MTA3: variants seen among roughly 807,000 people sequenced by gnomAD.
MTA3 encodes metastasis-associated protein MTA3.
In MTA3, 34 loss-of-function variants were observed where a neutral mutation model predicts 83.5. The observed-to-expected ratio is 0.41, with a 90% CI of 0.31 to 0.54. The LOEUF is 0.54. Ranked by LOEUF, MTA3 falls within the 20% of genes least tolerant of loss-of-function variation. The pLI is 0.33. For missense variants in MTA3, 761 were observed against 726.4 expected, an observed-to-expected ratio of 1.05 and a Z score of -0.55; for synonymous variants, 303 against 252.7, an observed-to-expected ratio of 1.20 and a Z score of -1.89.
At chr2:42,748,367 T>C (rs536255894) in intron 16 of MTA3, among the ~76,000 whole-genome samples, 19 of 152,166 alleles carry the variant, frequency 1.2e-4, no homozygotes, top group Non-Finnish European at 2.5e-4. Flanking sequence ...CCCGGCCTAT[T>C]TTCTAGAATT....
intron 2 of MTA3, among the ~76,000 whole-genome samples, chr2:42,503,153 A>G (rs946095632): frequency 2.6e-5 from 4 of 152,186 alleles, no homozygotes; most frequent in Admixed American, 6.5e-5. Context: ...GGTGCTCCCA[A>G]GGGCTGCTGG....
chr2:42,743,355 T>C (rs557975325), intron 16 of MTA3, among the ~76,000 whole-genome samples: 1 of 152,330 alleles, frequency 6.6e-6, no homozygotes, highest in South Asian at 2.1e-4. Flanking sequence ...GACCATCGTT[T>C]GGAGGTGCTC....
At chr2:42,662,296 TGA>T (rs1473018024) in intron 8 of MTA3, among the ~76,000 whole-genome samples, 1 of 151,926 alleles carries the variant, frequency 6.6e-6, no homozygotes, top group East Asian at 1.9e-4. Context: ...AGCATGTGTG[TGA>T]GTTTTTAGGC....
chr2:42,556,713 G>A (rs959770811), intron 2 of MTA3, among the ~76,000 whole-genome samples: 1 of 152,122 alleles, frequency 6.6e-6, no homozygotes, highest in Non-Finnish European at 1.5e-5. Context: ...ACAAGCAAGT[G>A]GTCCCCATGC....
intron 3 of MTA3, among the ~76,000 whole-genome samples, chr2:42,589,298 T>C (rs867265208): frequency 6.6e-6 from 1 of 152,210 alleles, no homozygotes; most frequent in South Asian, 2.1e-4. Flanking sequence ...TACTTAAATA[T>C]GTATTTAAAT....
At chr2:42,536,509 G>T (rs1457667170) in intron 2 of MTA3, among the ~76,000 whole-genome samples, 1 of 151,574 alleles carries the variant, frequency 6.6e-6, no homozygotes, top group Non-Finnish European at 1.5e-5. Flanking sequence ...AGAAAATGGA[G>T]GTGTTAGAGA....
chr2:42,568,750 C>CG lies in MTA3; in HGVS notation c.7dup (p.Ala3GlyfsTer13). On this transcript the variant is annotated frameshift_variant, in exon 1 of 17. Transcript: ENST00000405094. LOFTEE classifies it high-confidence loss of function. ...TCCGCGGGCGGGCGGGCGGACATGGCGGCCAACATGTACCGGGTCGGAGGT... is the reference window on the plus strand; with the variant it reads ...TCCGCGGGCGGGCGGGCGGACATGGCGGGCCAACATGTACCGGGTCGGAGGT... 1 of 1,218,980 alleles carries CG rather than the reference C, an allele frequency of 8.2e-7. No homozygotes were observed. Among genetic ancestry groups the CG allele is most frequent in the Non-Finnish European group, 1.0e-6 (1 of 980,684 alleles). The allele number at this position is 1,218,980 out of a possible 1,614,324, so 75.5% of individuals were successfully genotyped here.
chr2:42,743,911 C>G (rs1402281288), intron 16 of MTA3, among the ~76,000 whole-genome samples: 4 of 152,108 alleles, frequency 2.6e-5, no homozygotes, highest in Non-Finnish European at 5.9e-5. Context: ...TGCCTTCTGT[C>G]AAAAACTCAT....
intron 8 of MTA3, among the ~76,000 whole-genome samples, chr2:42,665,029 A>T (rs1238811270): frequency 1.3e-5 from 2 of 152,218 alleles, no homozygotes; most frequent in African/African-American, 4.8e-5. Flanking sequence ...AATTGTTAAA[A>T]AACATTGAAG....
intron 16 of MTA3, among the ~76,000 whole-genome samples, chr2:42,740,459 C>CA (rs1668945873): frequency 6.6e-6 from 1 of 152,200 alleles, no homozygotes; most frequent in African/African-American, 2.4e-5. Context: ...CCCAGTGAGC[C>CA]ATGTCACTGC....
chr2:42,736,578 G>A (rs1668629514), intron 16 of MTA3, among the ~76,000 whole-genome samples: 1 of 152,164 alleles, frequency 6.6e-6, no homozygotes, highest in Non-Finnish European at 1.5e-5. Flanking sequence ...CCAGGGCCTG[G>A]AGTCAGGAAC....
chr2:42,608,026 A>G (rs1461321796), intron 3 of MTA3, among the ~76,000 whole-genome samples: 2 of 152,252 alleles, frequency 1.3e-5, no homozygotes, highest in African/African-American at 2.4e-5. Context: ...TTCATTAGTG[A>G]TCTGCATCAT....
intron 2 of MTA3, among the ~76,000 whole-genome samples, chr2:42,531,355 A>T (rs1675955881): frequency 1.3e-5 from 2 of 151,536 alleles, no homozygotes; most frequent in South Asian, 4.2e-4. Flanking sequence ...GCATGGTCAA[A>T]GCAATTCCAA....
intron 2 of MTA3, among the ~76,000 whole-genome samples, chr2:42,496,344 A>G (rs1674134994): frequency 6.6e-6 from 1 of 152,148 alleles, no homozygotes; most frequent in Non-Finnish European, 1.5e-5. Flanking sequence ...GCAATACCCA[A>G]ATCGTTTTCT....
intron 2 of MTA3, among the ~76,000 whole-genome samples, chr2:42,548,858 TA>T (rs1166914819): frequency 0.018 from 490 of 26,492 alleles, 107 homozygotes; most frequent in African/African-American, 0.13. Context: ...TATATATATA[TA>T]ATATATATAT....
intron 2 of MTA3, among the ~76,000 whole-genome samples, chr2:42,519,833 G>A (rs926108025): frequency 4.6e-5 from 7 of 152,110 alleles, no homozygotes; most frequent in African/African-American, 1.7e-4. Context: ...GTGAACTCCT[G>A]AGGTCAGGAG....
chr2:42,647,557 G>A (rs1420143694), intron 6 of MTA3, among the ~76,000 whole-genome samples: 1 of 129,618 alleles, frequency 7.7e-6, no homozygotes, highest in Non-Finnish European at 1.6e-5. Context: ...CCCACTGCCA[G>A]CAGTCTTGGA....
chr2:42,621,578 A>G (rs1264639711), intron 4 of MTA3, among the ~76,000 whole-genome samples: 1 of 152,000 alleles, frequency 6.6e-6, no homozygotes, highest in African/African-American at 2.4e-5. Context: ...TTTTCCCCAC[A>G]TTTCCCCCTT....
At chr2:42,623,444 C>G (rs1685768233) in intron 4 of MTA3, among the ~76,000 whole-genome samples, 1 of 152,190 alleles carries the variant, frequency 6.6e-6, no homozygotes. Flanking sequence ...TTATGTCACG[C>G]CGCTGTCTTT....
Sources: gnomAD v4.1 joint callset for allele counts (sites outside exome capture counted in the v4.1 genomes callset) on GRCh38, gnomAD v4.1.1 for gene constraint, MANE v1.5 for transcripts, NCBI Gene and HGNC (gene_info 2026-07-23, HGNC 2026-07-21) for gene names.